Variants in RBM26 observed in about 807,000 individuals in gnomAD.
RBM26 encodes the protein RNA-binding protein 26.
A neutral mutation model predicts 123.6 loss-of-function variants in RBM26; 30 were observed. The observed-to-expected ratio is 0.24, with a 90% CI of 0.18 to 0.33. The LOEUF (loss-of-function observed/expected upper bound fraction) is 0.33, where lower values mean the gene tolerates loss of function less well. Ranked by LOEUF, RBM26 falls within the 10% of genes least tolerant of loss-of-function variation. The pLI, the probability that RBM26 is intolerant of heterozygous loss-of-function variation, is 1.00. For synonymous variants in RBM26, 400 were observed against 404.4 expected (o/e 0.99, Z 0.13); for missense variants, 947 against 1,203.6 (o/e 0.79, Z 3.15).
At chr13:79,355,874 T>C (rs2073916274) in intron 11 of RBM26, among the ~76,000 whole-genome samples, 1 of 152,134 alleles carries the variant, frequency 6.6e-6, no homozygotes. Context: ...AAAGAGACCA[T>C]GTAACAACAG....
chr13:79,327,367 A>G (rs1229719602), intron 20 of RBM26, among the ~76,000 whole-genome samples: 1 of 152,084 alleles, frequency 6.6e-6, no homozygotes, highest in Non-Finnish European at 1.5e-5. Flanking sequence ...TTCTACCTTA[A>G]GACAAAAAGC....
At position 79,328,930 on chromosome 13, in the gene RBM26, A is replaced by AT. The variant is rs1018135658; in HGVS notation, c.2820+5413dup. ...ATGAGGACAAACTACATACCTATGGATTTTTTTTTTTAATAAGAAAAGTAG... is the reference window on the plus strand; with the variant it reads ...ATGAGGACAAACTACATACCTATGGATTTTTTTTTTTTAATAAGAAAAGTAG... On this transcript the variant is annotated intron_variant, in intron 20 of 21. Transcript: ENST00000438737. Among the ~76,000 whole-genome samples the AT allele has an allele frequency of 1.1e-3, 157 of 147,932 alleles. 1 individual carries two copies. Among genetic ancestry groups the AT allele is most frequent in the African/African-American group, 2.9e-3 (118 of 40,554 alleles).
chr13:79,337,846 A>G (rs2070707702), intron 18 of RBM26, among the ~76,000 whole-genome samples: 2 of 152,224 alleles, frequency 1.3e-5, no homozygotes, highest in South Asian at 2.1e-4. Context: ...TTCATTCCAC[A>G]AATACTTAAT....
Position 79,344,777 on chromosome 13 carries a change from A to C in RBM26, c.2076T>G (p.Thr692=), listed in dbSNP as rs768071254. ...GATTATACACTGTTTTTGTTAGGCCAGTAGATGTAGACAACACCTACCAAT... is the reference window on the plus strand; with the variant it reads ...GATTATACACTGTTTTTGTTAGGCCCGTAGATGTAGACAACACCTACCAAT... ...SATEKVLSTS[T]GLTKTVYNPA... is the part of the protein sequence containing the mutation. Residue 692 remains threonine (T), a synonymous_variant, in exon 15 of 22, where the codon ACT becomes ACG. Transcript: ENST00000438737. 5.6e-6 allele frequency: 9 copies of C among 1,612,942 alleles called. No homozygotes were observed. Among genetic ancestry groups the C allele is most frequent in the South Asian group, 5.5e-5 (5 of 90,890 alleles).
chr13:79,317,169 A>G (rs1176465160), downstream of RBM26, among the ~76,000 whole-genome samples: 1 of 151,800 alleles, frequency 6.6e-6, no homozygotes, highest in Non-Finnish European at 1.5e-5. Flanking sequence ...TCTATTTTAT[A>G]GGCTGAATGT....
At chr13:79,375,096 T>TTATATATCATATAAATATGTATTTA (rs1555332782) in intron 3 of RBM26, among the ~76,000 whole-genome samples, 1 of 95,294 alleles carries the variant, frequency 1.0e-5, no homozygotes, top group Non-Finnish European at 2.1e-5. Flanking sequence ...AAATATATAT[T>TTATATATCATATAAATATGTATTTA]TATATATATC....
rs2073720188 is a variant in RBM26 at position 79,354,497 on chromosome 13, A to G, written c.1928T>C (p.Val643Ala). ...TGCAGGTTCAATAGTACTTGAAGGT[A>G]CTGGACCCAGCCGCTCTTTGACTGA... ...KQSVKERLGP[V>A]PSSTIEPAEA... Residue 643 changes from valine to alanine, a missense_variant, in exon 13 of 22, where the codon GTA becomes GCA. Transcript: ENST00000438737. 1.9e-6 allele frequency: 3 copies of G among 1,610,184 alleles called. No homozygotes were observed. The highest frequency in any genetic ancestry group is 1.7e-5 in the Admixed American group (1 of 59,956).
chr13:79,391,981 AT>A (rs2078041221), intron 1 of RBM26, among the ~76,000 whole-genome samples: 1 of 134,282 alleles, frequency 7.4e-6, no homozygotes, highest in Non-Finnish European at 1.5e-5. Context: ...ATAATTATAT[AT>A]TATGCAATAC....
rs112708297 is a variant in RBM26, at chr13:79,320,911, T to C, written c.2935-201A>G. Among the ~76,000 whole-genome samples, 3 of 151,342 alleles carry C rather than the reference T, an allele frequency of 2.0e-5. No individual in the cohort carries two copies. In the Admixed American group the frequency reaches 2.0e-4, roughly 10 times the overall value. ...TATATGATCTATTCTATTGCTTGCATGAAACACACTAAACAAATATCAAAT... is the reference window on the plus strand; with the variant it reads ...TATATGATCTATTCTATTGCTTGCACGAAACACACTAAACAAATATCAAAT... On this transcript the variant is annotated intron_variant, in intron 21 of 21. Coordinates refer to ENST00000438737, the MANE Select transcript of RBM26 (RefSeq NM_001366735.2).
At chr13:79,316,763 A>G (rs891558010), downstream of RBM26, among the ~76,000 whole-genome samples, 2 of 151,784 alleles carry the variant, frequency 1.3e-5, no homozygotes, top group Admixed American at 6.6e-5. Flanking sequence ...CGACAACTCA[A>G]CCATCCCTTG....
rs114857994 is a variant in RBM26, at chr13:79,333,475, T to C, written c.2820+869A>G. Among the ~76,000 whole-genome samples, 595 of 152,322 alleles carry C rather than the reference T, an allele frequency of 3.9e-3. 4 individuals carry two copies. Among genetic ancestry groups the C allele is most frequent in the African/African-American group, 0.014 (578 of 41,548 alleles). ...CAGAGAACATTCACTACAAAGAGGA[T>C]AAATAAATGTAGAGGTTTTTTCAAA... is the stretch of plus-strand genomic sequence containing the variant. On this transcript the variant is annotated intron_variant, in intron 20 of 21. Transcript: ENST00000438737.
At position 79,344,256 on chromosome 13, in the gene RBM26, T is replaced by C; in HGVS notation, c.2251A>G (p.Thr751Ala). The C allele has an allele frequency of 6.2e-7, 1 of 1,603,680 alleles. No individual in the cohort carries two copies. Among genetic ancestry groups the C allele is most frequent in the East Asian group, 2.2e-5 (1 of 44,674 alleles). Residue 751 changes from threonine (T) to alanine (A), a missense_variant, in exon 16 of 22, where the codon ACA (threonine) becomes GCA (alanine). Coordinates refer to ENST00000438737, the MANE Select transcript of RBM26 (RefSeq NM_001366735.2). ...KQEILEKHIE[T>A]QKMLISKLEK... ...TAACTTTAACATTTTACCTTCTGTG[T>C]TTCAATGTGCTTTTCTAAAATTTCT...
At chr13:79,337,323 AG>A (rs1267789190) in intron 18 of RBM26, 21 bp from the exon 19 acceptor site, 4 of 1,613,402 alleles carry the variant, frequency 2.5e-6, no homozygotes, top group Non-Finnish European at 3.4e-6. Flanking sequence ...TTAGACACAC[AG>A]GTTAAACAAT....
chr13:79,323,261 C>G (rs1465556145), intron 20 of RBM26, among the ~76,000 whole-genome samples: 1 of 151,388 alleles, frequency 6.6e-6, no homozygotes, highest in African/African-American at 2.4e-5. Context: ...TATACTCACA[C>G]AAGATTTATA....
At chr13:79,385,671 T>A (rs1241181092) in intron 1 of RBM26, among the ~76,000 whole-genome samples, 2 of 152,160 alleles carry the variant, frequency 1.3e-5, no homozygotes, top group East Asian at 1.9e-4. Flanking sequence ...TGAGAAAAAA[T>A]TTAGTTTAGT....
chr13:79,364,667 A>T (rs2075068353), intron 9 of RBM26, among the ~76,000 whole-genome samples: 1 of 145,758 alleles, frequency 6.9e-6, no homozygotes, highest in African/African-American at 2.8e-5. Context: ...TTACATTTAC[A>T]TCTCTAGTGT....
At chr13:79,361,625 C>T (rs892528583) in intron 9 of RBM26, among the ~76,000 whole-genome samples, 1 of 152,128 alleles carries the variant, frequency 6.6e-6, no homozygotes, top group African/African-American at 2.4e-5. Context: ...GGAGAATTTG[C>T]GGCTGTTGAT....
chr13:79,370,919 A>G (rs757557230), intron 5 of RBM26, 26 bp downstream of exon 5: 12 of 1,576,696 alleles, frequency 7.6e-6, no homozygotes, highest in Non-Finnish European at 1.0e-5. Flanking sequence ...TTTTTCATAA[A>G]AAGATAACCA....
chr13:79,330,607 C>T (rs571975829), intron 20 of RBM26, among the ~76,000 whole-genome samples: 4 of 152,128 alleles, frequency 2.6e-5, no homozygotes, highest in African/African-American at 9.6e-5. Flanking sequence ...TGGTTCCTTA[C>T]GTTTTTAGTA....
Sources: gnomAD v4.1 joint callset for allele counts (sites outside exome capture counted in the v4.1 genomes callset) on GRCh38, gnomAD v4.1.1 for gene constraint, MANE v1.5 for transcripts, NCBI Gene and HGNC (gene_info 2026-07-23, HGNC 2026-07-21) for gene names.